PRKCQ: variants seen among roughly 807,000 people sequenced by gnomAD.
PRKCQ encodes protein kinase C theta.
PRKCQ carries 41 observed loss-of-function variants against 91.2 expected under a neutral mutation model. The observed-to-expected ratio is 0.45, with a 90% CI of 0.35 to 0.58. The LOEUF is 0.58. PRKCQ is among the 20% of genes least tolerant of loss of function. PRKCQ has a pLI of 0.00. For synonymous variants in PRKCQ, 307 were observed against 316.9 expected (o/e 0.97, Z 0.33); for missense variants, 673 against 896.5 (o/e 0.75, Z 3.18).
chr10:6,564,136 G>T (rs946129306), intron 1 of PRKCQ, among the ~76,000 whole-genome samples: 1 of 152,124 alleles, frequency 6.6e-6, no homozygotes, highest in Non-Finnish European at 1.5e-5. Flanking sequence ...AGAACTCACG[G>T]GCCCCGCAAA....
chr10:6,397,759 A>T, the PRKCQ span, among the ~76,000 whole-genome samples: 7 of 152,126 alleles, frequency 4.6e-5, no homozygotes, highest in Non-Finnish European at 7.4e-5. Context: ...CCTCATCTCT[A>T]CTAAAAGTAC....
At chr10:6,460,430 C>A (rs756065358) in intron 14 of PRKCQ, among the ~76,000 whole-genome samples, 1 of 151,814 alleles carries the variant, frequency 6.6e-6, no homozygotes, top group East Asian at 1.9e-4. Flanking sequence ...AGTCTAAGAT[C>A]TCTGTCTCTC....
At chr10:6,517,341 GTT>G (rs35648620) in intron 1 of PRKCQ, among the ~76,000 whole-genome samples, 43 of 149,320 alleles carry the variant, frequency 2.9e-4, no homozygotes, top group South Asian at 1.1e-3. Flanking sequence ...CAAGTTTTGT[GTT>G]TTTTTTTTTC....
the PRKCQ span, among the ~76,000 whole-genome samples, chr10:6,395,404 A>G: frequency 4.6e-5 from 7 of 152,026 alleles, no homozygotes; most frequent in Non-Finnish European, 7.4e-5. Context: ...CTCCCTGAGC[A>G]TTCAGGGATC....
At chr10:6,398,611 G>A in the PRKCQ span, among the ~76,000 whole-genome samples, 3 of 152,134 alleles carry the variant, frequency 2.0e-5, no homozygotes, top group Non-Finnish European at 4.4e-5. Context: ...CTCAATGGAC[G>A]TTTACCCATC....
In PRKCQ at chr10:6,441,931, G is replaced by T. The variant is rs370703516; in HGVS notation, c.1798C>A (p.Arg600=). 1.2e-6 allele frequency: 2 copies of T among 1,611,474 alleles called. No individual in the cohort carries two copies. Among genetic ancestry groups the T allele is most frequent in the South Asian group, 2.2e-5 (2 of 90,904 alleles). The change falls in exon 16 of 18, where the codon CGG becomes AGG. Residue 600 remains arginine (R), a synonymous_variant. Transcript: ENST00000263125. ...TCCTTTGCTTCCTTCTCCAGCCACCGTGGGTAAAAGGGATTGTCCATGCGG... is the reference window on the plus strand; with the variant it reads ...TCCTTTGCTTCCTTCTCCAGCCACCTTGGGTAAAAGGGATTGTCCATGCGG... ...SIRMDNPFYP[R]WLEKEAKDLL... is the part of the protein sequence containing the mutation.
At chr10:6,464,502 T>C in intron 12 of PRKCQ, 98 bp from the exon 13 acceptor site, 1 of 1,017,776 alleles carries the variant, frequency 9.8e-7, no homozygotes, top group Non-Finnish European at 1.5e-6. Context: ...CAGGCTGGAG[T>C]GCAGTGGCGT....
rs564152573 is a variant in PRKCQ, at chr10:6,433,888, G to A, written c.1837-2950C>T. Among the ~76,000 whole-genome samples, 193 of 151,970 alleles carry A rather than the reference G, an allele frequency of 1.3e-3. 1 individual carries two copies. The highest frequency in any genetic ancestry group is 3.7e-3 in the African/African-American group (154 of 41,434). On this transcript the variant is annotated intron_variant, in intron 16 of 17. Coordinates refer to ENST00000263125, the MANE Select transcript of PRKCQ (RefSeq NM_006257.5). The stretch of plus-strand genomic sequence containing the variant: ...TCTACTAAAAATACAAAAATTAGCC[G>A]GGTGTGGTGGTGGACGCCTGTAACC...
chr10:6,547,789 AC>A (rs1482013145), intron 1 of PRKCQ, among the ~76,000 whole-genome samples: 1 of 151,708 alleles, frequency 6.6e-6, no homozygotes, highest in East Asian at 1.9e-4. Flanking sequence ...CTAGAAGAAA[AC>A]CTAGGCATTA....
chr10:6,504,380 C>T (rs1010615944), intron 4 of PRKCQ, among the ~76,000 whole-genome samples: 1 of 152,202 alleles, frequency 6.6e-6, no homozygotes, highest in African/African-American at 2.4e-5. Flanking sequence ...GTCTCTGACT[C>T]TTCATTCTGG....
intron 7 of PRKCQ, among the ~76,000 whole-genome samples, chr10:6,494,570 C>T (rs1194655533): frequency 6.6e-6 from 1 of 152,094 alleles, no homozygotes; most frequent in East Asian, 1.9e-4. Context: ...ATTTCAACAC[C>T]TCAACTGCAC....
At chr10:6,399,410 A>G in the PRKCQ span, among the ~76,000 whole-genome samples, 1 of 152,146 alleles carries the variant, frequency 6.6e-6, no homozygotes, top group Non-Finnish European at 1.5e-5. Flanking sequence ...GCCTGGAGCT[A>G]TTGCTGCGCT....
chr10:6,523,626 C>G (rs1839097731), intron 1 of PRKCQ, among the ~76,000 whole-genome samples: 1 of 152,156 alleles, frequency 6.6e-6, no homozygotes, highest in African/African-American at 2.4e-5. Context: ...ATTAACAACA[C>G]TCTGCACTTT....
intron 4 of PRKCQ, among the ~76,000 whole-genome samples, chr10:6,499,031 T>C (rs532771722): frequency 1.6e-4 from 25 of 152,282 alleles, no homozygotes; most frequent in African/African-American, 6.0e-4. Context: ...GGATGCTTTA[T>C]AGCAGGTTGT....
intron 1 of PRKCQ, among the ~76,000 whole-genome samples, chr10:6,543,863 T>C (rs541014898): frequency 6.6e-6 from 1 of 152,276 alleles, no homozygotes. Flanking sequence ...CAGGGCCTTG[T>C]TTGGCTGATG....
chr10:6,454,960 T>G (rs681803), intron 15 of PRKCQ, among the ~76,000 whole-genome samples: 1 of 151,830 alleles, frequency 6.6e-6, no homozygotes, highest in South Asian at 2.1e-4. Context: ...GAAGGAAGGT[T>G]TGCCGTGGAA....
In PRKCQ at chr10:6,494,549, C is replaced by T. The variant is rs115198216; in HGVS notation, c.660+2486G>A. 9.0e-3 allele frequency among the ~76,000 whole-genome samples: 1,374 copies of T among 152,170 alleles called. 19 individuals carry two copies. The highest frequency in any genetic ancestry group is 0.031 in the African/African-American group (1,303 of 41,488). On this transcript the variant is annotated intron_variant, in intron 7 of 17. Coordinates refer to ENST00000263125, the MANE Select transcript of PRKCQ (RefSeq NM_006257.5). The stretch of plus-strand genomic sequence containing the variant: ...TGATTTAAGCCTGTGAAGATCTGCA[C>T]GTGGGCCTCAATTTCAACACCTCAA...
intron 1 of PRKCQ, among the ~76,000 whole-genome samples, chr10:6,549,052 T>C (rs1226530321): frequency 6.6e-6 from 1 of 152,110 alleles, no homozygotes; most frequent in African/African-American, 2.4e-5. Flanking sequence ...ATAAGCCATG[T>C]TGTGTTATTA....
intron 1 of PRKCQ, among the ~76,000 whole-genome samples, chr10:6,537,488 A>G (rs918697683): frequency 3.6e-4 from 55 of 152,282 alleles, no homozygotes; most frequent in African/African-American, 1.2e-3. Flanking sequence ...CGGGAACGGG[A>G]ACTCAGGTGC....
Sources: gnomAD v4.1 joint callset for allele counts (sites outside exome capture counted in the v4.1 genomes callset) on GRCh38, gnomAD v4.1.1 for gene constraint, MANE v1.5 for transcripts, NCBI Gene and HGNC (gene_info 2026-07-23, HGNC 2026-07-21) for gene names.